The following NCDN variants were observed in gnomAD, a reference collection of about 807,000 sequenced individuals.
The protein encoded by NCDN is neurochondrin.
A neutral mutation model predicts 60.7 loss-of-function variants in NCDN; 9 were observed. The observed-to-expected ratio is 0.15, with a 90% confidence interval of 0.09 to 0.26. The LOEUF (loss-of-function observed/expected upper bound fraction) is 0.26. NCDN is among the 10% of genes least tolerant of loss of function. NCDN has a pLI of 1.00. For synonymous variants in NCDN, 409 were observed against 442.5 expected (o/e 0.92, Z 0.95); for missense variants, 578 against 975.2 (o/e 0.59, Z 5.42).
rs1648425971 is a variant in NCDN at position 35,558,070 on chromosome 1, T to TA, written c.-119dup. On this transcript the variant is annotated 5_prime_UTR_variant, in exon 1 of 7. The change creates a premature stop within an existing upstream ORF in the 5' untranslated region. Transcript: ENST00000373243. The surrounding 1 kb of genome is among the most constrained non-coding windows in gnomAD (Gnocchi z 6.3). Reference sequence around the variant, plus strand: ...TTTCAATATATATCTTTTTTTTTTTTAATTTGCCCTGTCATCTTTGGGGGC... The same window carrying TA: ...TTTCAATATATATCTTTTTTTTTTTTAAATTTGCCCTGTCATCTTTGGGGGC... 7.4e-7 allele frequency: 1 copy of TA among 1,351,588 alleles called. No individual in the cohort carries two copies. Among genetic ancestry groups the TA allele is most frequent in the African/African-American group, 1.5e-5 (1 of 66,704 alleles). 83.7% of individuals were successfully genotyped at this position (1,351,588 alleles called of 1,614,324 possible). A position where few individuals can be genotyped will look rare whatever the true frequency, so the allele number is the denominator to read the frequency against.
At position 35,565,854 on chromosome 1, in the gene NCDN, C is replaced by G; in HGVS notation, c.*191C>G. ...GTGTAAGGAACTGCGTTCCGCCCCT[C>G]AGGCCCCCATGGGGGCAGGGATCGG... On this transcript the variant is annotated 3_prime_UTR_variant, in exon 7 of 7. Coordinates refer to ENST00000373243, the MANE Select transcript of NCDN (RefSeq NM_014284.3). This position sits in a 1 kb window ranked among gnomAD's most constrained non-coding sequence, Gnocchi z 8.9. The G allele has an allele frequency of 1.6e-6, 1 of 640,778 alleles. No homozygotes were observed. Among genetic ancestry groups the G allele is most frequent in the Non-Finnish European group, 2.6e-6 (1 of 383,206 alleles). The allele number at this position is 640,778 out of a possible 1,614,324, so 39.7% of individuals were successfully genotyped here.
At position 35,565,183 on chromosome 1, in the gene NCDN, C is replaced by T; in HGVS notation, c.1754-44C>T. On this transcript the variant is annotated intron_variant, in intron 6 of 6. Transcript: ENST00000373243. The surrounding 1 kb of genome is among the most constrained non-coding windows in gnomAD (Gnocchi z 8.9). ...ACTAGGGAAGGGTCTGACACAGCAGCTGGCCTGTCCGATTCATGCCCCACT... is the reference window on the plus strand; with the variant it reads ...ACTAGGGAAGGGTCTGACACAGCAGTTGGCCTGTCCGATTCATGCCCCACT... The T allele has an allele frequency of 1.3e-6, 2 of 1,552,560 alleles. No homozygotes were observed. The highest frequency in any genetic ancestry group is 1.8e-6 in the Non-Finnish European group (2 of 1,140,620).
In NCDN at chr1:35,565,435, G is replaced by C. The variant is rs773820461; in HGVS notation, c.1962G>C (p.Leu654=). ...GCTGTGTGCCTCTGCTGCCCTGGCT[G>C]GCCCCCGCTGCCCTGCGCTCCCGCT... ...FTGCVPLLPW[L]APAALRSRWP... The change falls in exon 7 of 7, where the codon CTG becomes CTC. Residue 654 remains leucine (L), a synonymous_variant. Coordinates refer to ENST00000373243, the MANE Select transcript of NCDN (RefSeq NM_014284.3). This position sits in a 1 kb window ranked among gnomAD's most constrained non-coding sequence, Gnocchi z 8.9. 1.2e-6 allele frequency: 2 copies of C among 1,612,030 alleles called. No individual in the cohort carries two copies. Among genetic ancestry groups the C allele is most frequent in the Non-Finnish European group, 1.7e-6 (2 of 1,179,298 alleles).
Position 35,560,325 on chromosome 1 carries a change from G to T in NCDN, c.175-1G>T. ...CTGATGATAGCACATACCCCCTATA[G>T]GTGACCAAGGCAGTCAAAGCAGGTG... is the stretch of plus-strand genomic sequence containing the variant. On this transcript the variant is annotated splice_acceptor_variant, in intron 2 of 6. Coordinates refer to ENST00000373243, the MANE Select transcript of NCDN (RefSeq NM_014284.3). LOFTEE classifies it high-confidence loss of function. This position sits in a 1 kb window ranked among gnomAD's most constrained non-coding sequence, Gnocchi z 7.6. 1 of 1,612,658 alleles carries T rather than the reference G, an allele frequency of 6.2e-7. No individual in the cohort carries two copies.
rs1337003397 is a variant in NCDN at position 35,562,583 on chromosome 1, G to A, written c.1335G>A (p.Leu445=). 1 of 1,613,792 alleles carries A rather than the reference G, an allele frequency of 6.2e-7. No individual in the cohort carries two copies. The highest frequency in any genetic ancestry group is 1.7e-5 in the Admixed American group (1 of 59,982). The change falls in exon 4 of 7, where the codon CTG becomes CTA. Residue 445 remains leucine, a synonymous_variant. Transcript: ENST00000373243. This position sits in a 1 kb window ranked among gnomAD's most constrained non-coding sequence, Gnocchi z 6.8. ...ANDLSQQVAN[L]AISPTTPGPT... is the part of the protein sequence containing the mutation. ...ACCTTTCCCAGCAGGTGGCCAACCTGGCCATCTCCCCCACCACCCCAGGGC... is the reference window on the plus strand; with the variant it reads ...ACCTTTCCCAGCAGGTGGCCAACCTAGCCATCTCCCCCACCACCCCAGGGC...
chr1:35,562,352 C>T lies in NCDN; in HGVS notation c.1144-40C>T. 2 of 1,601,492 alleles carry T rather than the reference C, an allele frequency of 1.2e-6. No homozygotes were observed. Among genetic ancestry groups the T allele is most frequent in the South Asian group, 1.1e-5 (1 of 89,598 alleles). On this transcript the variant is annotated intron_variant, in intron 3 of 6. Transcript: ENST00000373243. This position sits in a 1 kb window ranked among gnomAD's most constrained non-coding sequence, Gnocchi z 6.8. ...GGCCTCTGGCAAGGCAGGGAGGGTC[C>T]CTGGTCCTGCTCCATCTCAAGGGGG...
In NCDN at chr1:35,560,862, G is replaced by C; in HGVS notation, c.711G>C (p.Lys237Asn). ...EDFQKAEDASKFELCQLLPLF... is the reference protein window; with the variant it reads ...EDFQKAEDASNFELCQLLPLF... Reference sequence around the variant, plus strand: ...TCCAGAAAGCTGAGGATGCCAGCAAGTTTGAGCTCTGCCAGCTGCTGCCCC... The same window carrying C: ...TCCAGAAAGCTGAGGATGCCAGCAACTTTGAGCTCTGCCAGCTGCTGCCCC... The change falls in exon 3 of 7, where the codon AAG becomes AAC. Residue 237 changes from lysine to asparagine, a missense_variant. Physicochemically the swap from Lys to Asn is moderately conservative, Grantham distance 94. Coordinates refer to ENST00000373243, the MANE Select transcript of NCDN (RefSeq NM_014284.3). The surrounding 1 kb of genome is among the most constrained non-coding windows in gnomAD (Gnocchi z 7.6). The C allele has an allele frequency of 6.2e-7, 1 of 1,614,202 alleles. No individual in the cohort carries two copies. Among genetic ancestry groups the C allele is most frequent in the Non-Finnish European group, 8.5e-7 (1 of 1,180,040 alleles).
chr1:35,565,054 A>T lies in NCDN; in HGVS notation c.1754-173A>T. On this transcript the variant is annotated intron_variant, in intron 6 of 6. Transcript: ENST00000373243. This position sits in a 1 kb window ranked among gnomAD's most constrained non-coding sequence, Gnocchi z 8.9. ...ACAAGTAAAGAAACAGACCCAGAAA[A>T]GTTAATTACCCAAGGTCACACAGTG... The T allele has an allele frequency of 1.6e-6, 1 of 607,652 alleles. No individual in the cohort carries two copies. Among genetic ancestry groups the T allele is most frequent in the Non-Finnish European group, 2.8e-6 (1 of 354,534 alleles). The allele number at this position is 607,652 out of a possible 1,614,324, so 37.6% of individuals were successfully genotyped here. A position where few individuals can be genotyped will look rare whatever the true frequency, so the allele number is the denominator to read the frequency against.
Position 35,560,079 on chromosome 1 carries a change from T to C in NCDN, c.175-247T>C, listed in dbSNP as rs76163755. Reference sequence around the variant, plus strand: ...AAGAACTTCTCAACTGGCCAGGTGTTGAAATGCTCAAATGAATGGTTGAGG... The same window carrying C: ...AAGAACTTCTCAACTGGCCAGGTGTCGAAATGCTCAAATGAATGGTTGAGG... On this transcript the variant is annotated intron_variant, in intron 2 of 6. Coordinates refer to ENST00000373243, the MANE Select transcript of NCDN (RefSeq NM_014284.3). This position sits in a 1 kb window ranked among gnomAD's most constrained non-coding sequence, Gnocchi z 7.6. 9.5e-3 allele frequency among the ~76,000 whole-genome samples: 1,448 copies of C among 152,152 alleles called. 30 individuals carry two copies. The highest frequency in any genetic ancestry group is 0.033 in the African/African-American group (1,378 of 41,484).
At position 35,561,250 on chromosome 1, in the gene NCDN, G is replaced by A. The variant is rs761636138; in HGVS notation, c.1099G>A (p.Val367Ile). ...GCCACAGAAGGTGCAGCTCGTGAGC[G>A]TCATGAAGGAGGCCATAGGGGCTGT... ...KEPQKVQLVS[V>I]MKEAIGAVIH... The change falls in exon 3 of 7, where the codon GTC becomes ATC. Residue 367 changes from valine to isoleucine, a missense_variant. Coordinates refer to ENST00000373243, the MANE Select transcript of NCDN (RefSeq NM_014284.3). This position sits in a 1 kb window ranked among gnomAD's most constrained non-coding sequence, Gnocchi z 4.9. The A allele has an allele frequency of 2.4e-5, 38 of 1,609,912 alleles. No homozygotes were observed. The South Asian group carries it at 2.5e-4, about 11-fold the overall frequency.
rs1557426829 is a variant in NCDN at position 35,562,193 on chromosome 1, CTGTGCCAGTCCCTTGTG to C, written c.1144-196_1144-180del. On this transcript the variant is annotated intron_variant, in intron 3 of 6. Transcript: ENST00000373243. This position sits in a 1 kb window ranked among gnomAD's most constrained non-coding sequence, Gnocchi z 6.8. ...ACGTGTGTGGAGGGCCTGGCTCACTCTGTGCCAGTCCCTTGTGTGCGTCCCTACCACATGCTAGGTGC... is the reference window on the plus strand; with the variant it reads ...ACGTGTGTGGAGGGCCTGGCTCACTCTGCGTCCCTACCACATGCTAGGTGC... Among the ~76,000 whole-genome samples the C allele has an allele frequency of 6.6e-6, 1 of 152,212 alleles. No individual in the cohort carries two copies. Among genetic ancestry groups the C allele is most frequent in the Non-Finnish European group, 1.5e-5 (1 of 68,032 alleles).
intron 6 of NCDN, among the ~76,000 whole-genome samples, chr1:35,564,714 C>G (rs1648816040): frequency 6.6e-6 from 1 of 152,218 alleles, no homozygotes; most frequent in South Asian, 2.1e-4. Flanking sequence ...CAAATACCAC[C>G]AGGTTAGGTT....
In NCDN at chr1:35,563,400, C is replaced by T. The variant is rs772058400; in HGVS notation, c.1584C>T (p.Leu528=). The T allele has an allele frequency of 6.2e-6, 10 of 1,614,126 alleles. No individual in the cohort carries two copies. The highest frequency in any genetic ancestry group is 2.2e-5 in the East Asian group (1 of 44,884). ...LQTCCHIFLN[L]VVTAPGLIKR... ...CCTGCTGCCACATCTTCCTCAACCT[C>T]GTGGTCACCGCACCGGGGCTGATCA... is the stretch of plus-strand genomic sequence containing the variant. Residue 528 remains leucine (L), a synonymous_variant, in exon 5 of 7, where the codon CTC becomes CTT. Coordinates refer to ENST00000373243, the MANE Select transcript of NCDN (RefSeq NM_014284.3). This position sits in a 1 kb window ranked among gnomAD's most constrained non-coding sequence, Gnocchi z 6.6.
In NCDN at chr1:35,566,041, T is replaced by G; in HGVS notation, c.*378T>G. 1 of 220,640 alleles carries G rather than the reference T, an allele frequency of 4.5e-6. No homozygotes were observed. The highest frequency in any genetic ancestry group is 9.1e-6 in the Non-Finnish European group (1 of 109,926). 13.7% of individuals were successfully genotyped at this position (220,640 alleles called of 1,614,324 possible). A position where few individuals can be genotyped will look rare whatever the true frequency, so the allele number is the denominator to read the frequency against. On this transcript the variant is annotated 3_prime_UTR_variant, in exon 7 of 7. Transcript: ENST00000373243. This position sits in a 1 kb window ranked among gnomAD's most constrained non-coding sequence, Gnocchi z 5.3. ...CAGGAGCAGACTGCCTCAGCCCATGTGCCCTGCCGGCCAGGGCGTGGGCTC... is the reference window on the plus strand; with the variant it reads ...CAGGAGCAGACTGCCTCAGCCCATGGGCCCTGCCGGCCAGGGCGTGGGCTC...
chr1:35,558,415 A>G lies in NCDN; in HGVS notation c.33+192A>G. The G allele has an allele frequency of 6.9e-7, 1 of 1,453,256 alleles. No homozygotes were observed. Among genetic ancestry groups the G allele is most frequent in the Non-Finnish European group, 9.0e-7 (1 of 1,108,456 alleles). 90.0% of individuals were successfully genotyped at this position (1,453,256 alleles called of 1,614,324 possible). A position where few individuals can be genotyped will look rare whatever the true frequency, so the allele number is the denominator to read the frequency against. On this transcript the variant is annotated intron_variant, in intron 1 of 6. Transcript: ENST00000373243. This position sits in a 1 kb window ranked among gnomAD's most constrained non-coding sequence, Gnocchi z 6.3. ...GCGAGAAGAGGGAGCGCAAGGGGTTAATTCTGCTGCTGCCGCCGCCGCTGC... is the reference window on the plus strand; with the variant it reads ...GCGAGAAGAGGGAGCGCAAGGGGTTGATTCTGCTGCTGCCGCCGCCGCTGC...
Position 35,559,139 on chromosome 1 carries a change from C to G in NCDN, c.66C>G (p.Cys22Trp). 6.2e-7 allele frequency: 1 copy of G among 1,613,270 alleles called. No individual in the cohort carries two copies. Residue 22 changes from cysteine to tryptophan, a missense_variant, in exon 2 of 7, where the codon TGC (cysteine) becomes TGG (tryptophan). Cys to Trp is a radical substitution (Grantham distance 215, BLOSUM62 -2). Around this residue, in one of 3 missense-constraint regions of NCDN, gnomAD observed 363 missense variants for 583.6 expected, o/e 0.62. Coordinates refer to ENST00000373243, the MANE Select transcript of NCDN (RefSeq NM_014284.3). ...LGKASIMASD[C>W]EPALNQAEGR... ...AGGCGAGCATCATGGCCTCGGATTG[C>G]GAGCCAGCTCTGAACCAGGCAGAGG...
chr1:35,563,128 G>C lies in NCDN; in HGVS notation c.1386-74G>C. On this transcript the variant is annotated intron_variant, in intron 4 of 6. Transcript: ENST00000373243. This position sits in a 1 kb window ranked among gnomAD's most constrained non-coding sequence, Gnocchi z 6.6. Reference sequence around the variant, plus strand: ...CCTACTTCCATTTCTCTTAGGCAAGGTGCCCTAAAAAGGGAATCTATGTGC... The same window carrying C: ...CCTACTTCCATTTCTCTTAGGCAAGCTGCCCTAAAAAGGGAATCTATGTGC... The C allele has an allele frequency of 1.5e-6, 2 of 1,337,428 alleles. No homozygotes were observed. Among genetic ancestry groups the C allele is most frequent in the South Asian group, 1.4e-5 (1 of 70,502 alleles). The allele number at this position is 1,337,428 out of a possible 1,614,324, so 82.8% of individuals were successfully genotyped here.
At position 35,558,567 on chromosome 1, in the gene NCDN, C is replaced by T. The variant is rs1648512409; in HGVS notation, c.33+344C>T. The stretch of plus-strand genomic sequence containing the variant: ...GGGCCTCCAAGCCTTCCCTGTTGAG[C>T]GTCTTGTATTCTCACTTCTGAAGCG... On this transcript the variant is annotated intron_variant, in intron 1 of 6. Coordinates refer to ENST00000373243, the MANE Select transcript of NCDN (RefSeq NM_014284.3). The surrounding 1 kb of genome is among the most constrained non-coding windows in gnomAD (Gnocchi z 6.3). The T allele has an allele frequency of 7.8e-7, 1 of 1,279,188 alleles. No individual in the cohort carries two copies. Among genetic ancestry groups the T allele is most frequent in the Non-Finnish European group, 9.9e-7 (1 of 1,007,800 alleles). The allele number at this position is 1,279,188 out of a possible 1,614,324, so 79.2% of individuals were successfully genotyped here.
Position 35,559,825 on chromosome 1 carries a change from A to G in NCDN, c.175-501A>G, listed in dbSNP as rs1276915578. On this transcript the variant is annotated intron_variant, in intron 2 of 6. Coordinates refer to ENST00000373243, the MANE Select transcript of NCDN (RefSeq NM_014284.3). ...GCAACAAGGAGAAGGCTCTGGAGTC[A>G]AGGGCTCACACTGCAGCAGAGGAGG... Among the ~76,000 whole-genome samples, 3 of 152,072 alleles carry G rather than the reference A, an allele frequency of 2.0e-5. No individual in the cohort carries two copies. The East Asian group carries it at 5.8e-4, about 29-fold the overall frequency.
Sources: allele counts gnomAD v4.1 joint callset (sites outside exome capture counted in the v4.1 genomes callset), GRCh38; gene constraint gnomAD v4.1.1; regional missense constraint gnomAD v4.1.1; non-coding constraint Gnocchi (gnomAD v3.1); transcripts MANE v1.5; gene names NCBI Gene and HGNC (gene_info 2026-07-23, HGNC 2026-07-21).